Variants in ELAPOR1 observed in about 807,000 individuals in gnomAD.
The protein encoded by ELAPOR1 is endosome/lysosome-associated apoptosis and autophagy regulator 1.
Under a neutral mutation model 119.7 loss-of-function variants are expected in ELAPOR1, and 77 were observed. That is an observed-to-expected ratio of 0.64 (90% CI 0.54 to 0.78). ELAPOR1 has a LOEUF of 0.78. Among genes scored for constraint, ELAPOR1 ranks in the 30% least tolerant of loss-of-function variants. The probability of loss-of-function intolerance (pLI) is 0.00; values close to 1 mark genes in which losing one functional copy is unlikely to be tolerated. For missense variants in ELAPOR1, 1,115 were observed against 1,270.4 expected (o/e 0.88, Z 1.86); for synonymous variants, 481 against 487.2 (o/e 0.99, Z 0.17).
At chr1:109,167,780 C>T (rs1233452064) in intron 3 of ELAPOR1, among the ~76,000 whole-genome samples, 4 of 152,054 alleles carry the variant, frequency 2.6e-5, no homozygotes, top group Admixed American at 2.6e-4. Context: ...TGGCTAACTT[C>T]TTATTTTTCT....
intron 8 of ELAPOR1, among the ~76,000 whole-genome samples, chr1:109,185,515 G>A (rs1204377224): frequency 6.6e-6 from 1 of 152,112 alleles, no homozygotes; most frequent in African/African-American, 2.4e-5. Flanking sequence ...GCTGGCACGG[G>A]GAATGGATTC....
At chr1:109,157,380 C>A (rs759764728) in intron 1 of ELAPOR1, among the ~76,000 whole-genome samples, 1 of 152,070 alleles carries the variant, frequency 6.6e-6, no homozygotes, top group Non-Finnish European at 1.5e-5. Context: ...ATTGGAAAAC[C>A]TACTGTGTGA....
Position 109,188,211 on chromosome 1 carries a change from T to G in ELAPOR1, c.1076T>G (p.Ile359Ser), listed in dbSNP as rs199964195. 9 of 1,612,386 alleles carry G rather than the reference T, an allele frequency of 5.6e-6. No individual in the cohort carries two copies. The highest frequency in any genetic ancestry group is 6.8e-6 in the Non-Finnish European group (8 of 1,178,718). Residue 359 changes from isoleucine to serine, a missense_variant, in exon 9 of 22, where the codon ATC (isoleucine) becomes AGC (serine). By Grantham distance (142) the Ile-to-Ser change is moderately radical (BLOSUM62 -2). Coordinates refer to ENST00000369939, the MANE Select transcript of ELAPOR1 (RefSeq NM_020775.5). ...QLMYKWAKPK[I>S]CSEDLEGAVK... The stretch of plus-strand genomic sequence containing the variant: ...ATGTACAAATGGGCCAAGCCGAAAA[T>G]CTGTAGCGAGGACCTTGAGGGGGCA...
intron 1 of ELAPOR1, among the ~76,000 whole-genome samples, chr1:109,153,978 T>C (rs1650697358): frequency 6.6e-6 from 1 of 152,110 alleles, no homozygotes; most frequent in Non-Finnish European, 1.5e-5. Flanking sequence ...TTAACTAAGA[T>C]GTGCTATTTT....
intron 1 of ELAPOR1, among the ~76,000 whole-genome samples, chr1:109,158,094 G>A (rs1283395908): frequency 2.6e-5 from 4 of 152,086 alleles, no homozygotes; most frequent in Admixed American, 6.5e-5. Context: ...CACCATGATG[G>A]CCAGGCTGGT....
chr1:109,191,899 A>G (rs778275676), intron 13 of ELAPOR1, 36 bp downstream of exon 13: 38 of 1,610,266 alleles, frequency 2.4e-5, no homozygotes, highest in Non-Finnish European at 3.1e-5. Flanking sequence ...CCCAGGAGAG[A>G]CCCTCTGAAC....
intron 15 of ELAPOR1, among the ~76,000 whole-genome samples, chr1:109,194,879 G>A (rs1225996675): frequency 6.6e-6 from 1 of 152,104 alleles, no homozygotes; most frequent in Admixed American, 6.5e-5. Flanking sequence ...AGGCCGAGAC[G>A]GGCGGATCAC....
intron 1 of ELAPOR1, among the ~76,000 whole-genome samples, chr1:109,149,709 A>G (rs1003376478): frequency 6.6e-6 from 1 of 152,206 alleles, no homozygotes; most frequent in Non-Finnish European, 1.5e-5. Flanking sequence ...TTGATCTGGA[A>G]TGGGGACGGG....
chr1:109,149,802 A>C (rs556110881), intron 1 of ELAPOR1, among the ~76,000 whole-genome samples: 35 of 152,336 alleles, frequency 2.3e-4, no homozygotes, highest in Admixed American at 9.8e-4. Flanking sequence ...AAAAAAATTC[A>C]AAGTCATCCC....
At chr1:109,162,108 GC>G in intron 2 of ELAPOR1, 94 bp downstream of exon 2, 1 of 1,376,230 alleles carries the variant, frequency 7.3e-7, no homozygotes. Context: ...TCCTGGCAGA[GC>G]AGCTGCATTA....
At chr1:109,155,712 A>G (rs888377595) in intron 1 of ELAPOR1, among the ~76,000 whole-genome samples, 1 of 152,240 alleles carries the variant, frequency 6.6e-6, no homozygotes, top group Non-Finnish European at 1.5e-5. Flanking sequence ...AAAGCTGTCA[A>G]TAGTGAACAA....
rs1653914170 is a variant in ELAPOR1 at position 109,197,701 on chromosome 1, G to GTGTGTA, written c.2302+52_2302+53insATGTGT. On this transcript the variant is annotated intron_variant, in intron 16 of 21. Transcript: ENST00000369939. ...GCCTTGTTTGAGAGTGTGTGTGTGT[G>GTGTGTA]TGTGTGTGTGTGTATGTGTAAGAGA... The GTGTGTA allele has an allele frequency of 3.9e-6, 6 of 1,551,796 alleles. No homozygotes were observed. In the South Asian group the frequency reaches 4.8e-5, roughly 12 times the overall value.
chr1:109,172,153 T>G, intron 4 of ELAPOR1, 140 bp downstream of exon 4: 3 of 1,080,292 alleles, frequency 2.8e-6, no homozygotes, highest in Non-Finnish European at 4.1e-6. Flanking sequence ...GTGGGCAAAA[T>G]GAGCTGAGGC....
chr1:109,164,986 T>G (rs1011941321), intron 3 of ELAPOR1, among the ~76,000 whole-genome samples: 9 of 152,138 alleles, frequency 5.9e-5, no homozygotes, highest in Non-Finnish European at 1.2e-4. Flanking sequence ...TGGCCCAGTC[T>G]ATTTAAAACA....
intron 1 of ELAPOR1, among the ~76,000 whole-genome samples, chr1:109,128,227 T>C (rs1311135166): frequency 6.6e-6 from 1 of 152,126 alleles, no homozygotes; most frequent in African/African-American, 2.4e-5. Context: ...AAAAATAAAA[T>C]AAATTGAGTT....
rs1414010554 is a variant in ELAPOR1 at position 109,164,539 on chromosome 1, C to A, written c.315C>A (p.Asp105Glu). ...CNAGEFLDMK[D>E]QSCKPCAEGR... ...CCGGGGAGTTTCTGGATATGAAGGA[C>A]CAGTCATGTAAGCCATGCGCTGAGG... Residue 105 changes from aspartate to glutamate, a missense_variant, in exon 3 of 22, where the codon GAC (aspartate) becomes GAA (glutamate). Transcript: ENST00000369939. 6.2e-7 allele frequency: 1 copy of A among 1,613,782 alleles called. No homozygotes were observed. The highest frequency in any genetic ancestry group is 8.5e-7 in the Non-Finnish European group (1 of 1,179,814).
chr1:109,142,871 A>G (rs1649913961), intron 1 of ELAPOR1, among the ~76,000 whole-genome samples: 1 of 152,234 alleles, frequency 6.6e-6, no homozygotes, highest in South Asian at 2.1e-4. Flanking sequence ...AGCATTATTC[A>G]TAATAGCCGA....
At chr1:109,185,807 G>T (rs1653007189) in intron 8 of ELAPOR1, among the ~76,000 whole-genome samples, 1 of 152,080 alleles carries the variant, frequency 6.6e-6, no homozygotes, top group Non-Finnish European at 1.5e-5. Context: ...AACTGGGGGA[G>T]CCCAGAAGAG....
At chr1:109,146,460 G>A (rs903204208) in intron 1 of ELAPOR1, among the ~76,000 whole-genome samples, 1 of 152,192 alleles carries the variant, frequency 6.6e-6, no homozygotes, top group East Asian at 1.9e-4. Flanking sequence ...GTCACTTAGT[G>A]TTACTTCTGC....
Sources: allele counts gnomAD v4.1 joint callset (sites outside exome capture counted in the v4.1 genomes callset), GRCh38; gene constraint gnomAD v4.1.1; transcripts MANE v1.5; gene names NCBI Gene and HGNC (gene_info 2026-07-23, HGNC 2026-07-21).